SMAD5: variants seen among roughly 807,000 people sequenced by gnomAD.
SMAD5 encodes the protein SMAD family member 5.
In SMAD5, 9 loss-of-function variants were observed where a neutral mutation model predicts 43.1. That is an observed-to-expected ratio of 0.21 (90% CI 0.13 to 0.36). The LOEUF is 0.36. SMAD5 is among the 10% of genes least tolerant of loss of function. The pLI, the probability that SMAD5 is intolerant of heterozygous loss-of-function variation, is 1.00. For missense variants in SMAD5, 348 were observed against 574.0 expected (o/e 0.61, Z 4.02); for synonymous variants, 190 against 192.4 (o/e 0.99, Z 0.10).
At chr5:136,159,645 C>CT (rs35711851) in intron 3 of SMAD5, among the ~76,000 whole-genome samples, 49,728 of 152,008 alleles carry the variant, frequency 0.33, 8,520 homozygotes, top group African/African-American at 0.43. Flanking sequence ...TTCTTGCTGC[C>CT]TAATGCCCTT....
At position 136,165,503 on chromosome 5, in the gene SMAD5, C is replaced by T. The variant is rs142609186; in HGVS notation, c.775+2112C>T. ...ATGTTGTGTGACCATCACCACCATCCATTTCTATAGCTCTTTTCACCTTGT... is the reference window on the plus strand; with the variant it reads ...ATGTTGTGTGACCATCACCACCATCTATTTCTATAGCTCTTTTCACCTTGT... On this transcript the variant is annotated intron_variant, in intron 5 of 7. Coordinates refer to ENST00000545279, the MANE Select transcript of SMAD5 (RefSeq NM_005903.7). 4.3e-3 allele frequency among the ~76,000 whole-genome samples: 649 copies of T among 152,044 alleles called. 5 individuals carry two copies. Among genetic ancestry groups the T allele is most frequent in the African/African-American group, 0.015 (606 of 41,456 alleles).
chr5:136,137,257 T>C (rs7702439), intron 1 of SMAD5, among the ~76,000 whole-genome samples: 46,334 of 140,980 alleles, frequency 0.33, 8,941 homozygotes, highest in African/African-American at 0.5. Flanking sequence ...GTTTTGCTCT[T>C]GAATTTTTTG....
At chr5:136,145,157 A>G (rs1753218876) in intron 1 of SMAD5, among the ~76,000 whole-genome samples, 1 of 151,648 alleles carries the variant, frequency 6.6e-6, no homozygotes, top group Non-Finnish European at 1.5e-5. Flanking sequence ...ACTGTCTTAC[A>G]GTTAATAGCA....
At chr5:136,147,188 T>G (rs1465621449) in intron 1 of SMAD5, among the ~76,000 whole-genome samples, 2 of 151,676 alleles carry the variant, frequency 1.3e-5, no homozygotes, top group Non-Finnish European at 3.0e-5. Context: ...TAGAAAAGCT[T>G]TGGAGTAAGA....
At chr5:136,161,131 CAAA>C in intron 4 of SMAD5, 24 bp downstream of exon 4, 8 of 1,418,760 alleles carry the variant, frequency 5.6e-6, no homozygotes, top group Non-Finnish European at 6.7e-6. Flanking sequence ...TTATTGATAC[CAAA>C]AAAAAAAAAA....
At position 136,177,541 on chromosome 5, in the gene SMAD5, T is replaced by C; in HGVS notation, c.*61T>C. Reference sequence around the variant, plus strand: ...ACTTGTTTTAATTTTAGAGAAACTTTGAGTACAGATACTGTGAGCTTACAT... The same window carrying C: ...ACTTGTTTTAATTTTAGAGAAACTTCGAGTACAGATACTGTGAGCTTACAT... On this transcript the variant is annotated 3_prime_UTR_variant, in exon 8 of 8. Transcript: ENST00000545279. 7.8e-7 allele frequency: 1 copy of C among 1,276,062 alleles called. No individual in the cohort carries two copies. Among genetic ancestry groups the C allele is most frequent in the Non-Finnish European group, 1.1e-6 (1 of 909,386 alleles). The allele number at this position is 1,276,062 out of a possible 1,614,324, so 79.0% of individuals were successfully genotyped here.
intron 3 of SMAD5, among the ~76,000 whole-genome samples, chr5:136,157,540 T>C (rs1478514389): frequency 6.6e-6 from 1 of 152,208 alleles, no homozygotes; most frequent in Non-Finnish European, 1.5e-5. Flanking sequence ...CTTGTTTACC[T>C]GCAGCTAGGT....
chr5:136,148,631 T>C (rs934890174), intron 2 of SMAD5, among the ~76,000 whole-genome samples: 1 of 151,726 alleles, frequency 6.6e-6, no homozygotes, highest in African/African-American at 2.4e-5. Context: ...GTGCCCAGAG[T>C]AGCAGAGTCT....
Position 136,180,303 on chromosome 5 carries a change from T to A in SMAD5, c.*2823T>A, listed in dbSNP as rs1053598620. On this transcript the variant is annotated 3_prime_UTR_variant, in exon 8 of 8. Transcript: ENST00000545279. ...TGTTTTAATTTAATCTACAGAATGT[T>A]TTATAGTAAAATTCTAGCACCACTA... 6.6e-6 allele frequency: 1 copy of A among 152,110 alleles called. No homozygotes were observed. The highest frequency in any genetic ancestry group is 2.4e-5 in the African/African-American group (1 of 41,446). The allele number at this position is 152,110 out of a possible 1,614,324, so 9.4% of individuals were successfully genotyped here. A position where few individuals can be genotyped will look rare whatever the true frequency, so the allele number is the denominator to read the frequency against.
chr5:136,136,896 C>G (rs529786688), intron 1 of SMAD5, among the ~76,000 whole-genome samples: 30 of 152,268 alleles, frequency 2.0e-4, no homozygotes, highest in African/African-American at 6.5e-4. Context: ...GGAGTTTCAC[C>G]TCGTTGGCCA....
chr5:136,147,918 T>C lies in SMAD5; in HGVS notation c.-170+12T>C, dbSNP rs1561643640. 1 of 151,792 alleles carries C rather than the reference T, an allele frequency of 6.6e-6. No homozygotes were observed. Among genetic ancestry groups the C allele is most frequent in the Non-Finnish European group, 1.5e-5 (1 of 67,796 alleles). 9.4% of individuals were successfully genotyped at this position (151,792 alleles called of 1,614,324 possible). A position where few individuals can be genotyped will look rare whatever the true frequency, so the allele number is the denominator to read the frequency against. The stretch of plus-strand genomic sequence containing the variant: ...AGAAATCTGCCTCTGTAAGTAACCT[T>C]TTAAGATCATTCATGCCACTCTGTT... On this transcript the variant is annotated intron_variant, in intron 2 of 7. Coordinates refer to ENST00000545279, the MANE Select transcript of SMAD5 (RefSeq NM_005903.7).
chr5:136,157,822 G>A (rs932582160), intron 3 of SMAD5, among the ~76,000 whole-genome samples: 4 of 152,136 alleles, frequency 2.6e-5, no homozygotes, highest in African/African-American at 7.2e-5. Context: ...GCATGAACTG[G>A]GGGGGTTAGG....
intron 1 of SMAD5, among the ~76,000 whole-genome samples, chr5:136,144,982 A>G (rs1475272354): frequency 2.0e-5 from 3 of 151,956 alleles, no homozygotes; most frequent in Admixed American, 1.3e-4. Flanking sequence ...GAGAAAAGAA[A>G]AAAAAAAGAG....
At chr5:136,149,032 A>G (rs747178341) in intron 2 of SMAD5, among the ~76,000 whole-genome samples, 5 of 151,944 alleles carry the variant, frequency 3.3e-5, no homozygotes, top group African/African-American at 4.8e-5. Flanking sequence ...AGGCTGTCTC[A>G]TGACCCTTCT....
chr5:136,171,678 G>A (rs1379406058), intron 5 of SMAD5, among the ~76,000 whole-genome samples: 1 of 152,146 alleles, frequency 6.6e-6, no homozygotes, highest in East Asian at 1.9e-4. Context: ...AAGGAATTTT[G>A]CCTCAAGTCT....
At chr5:136,134,190 C>T (rs939621431) in intron 1 of SMAD5, 1 of 152,544 alleles carries the variant, frequency 6.6e-6, no homozygotes, top group Admixed American at 6.5e-5. Context: ...TTGCCTAGCA[C>T]TACCAAAAGG....
chr5:136,159,101 T>C (rs553199091), intron 3 of SMAD5, among the ~76,000 whole-genome samples: 2 of 152,286 alleles, frequency 1.3e-5, no homozygotes, highest in South Asian at 4.2e-4. Context: ...CAAGAAAAAG[T>C]AGACTCATAG....
At position 136,178,125 on chromosome 5, in the gene SMAD5, A is replaced by G. The variant is rs1184958469; in HGVS notation, c.*645A>G. ...CTTCAGTGTAATGTGACTTCATGCT[A>G]TATATCTTTTGTAAGACATTTCCTT... On this transcript the variant is annotated 3_prime_UTR_variant, in exon 8 of 8. Coordinates refer to ENST00000545279, the MANE Select transcript of SMAD5 (RefSeq NM_005903.7). 1 of 152,642 alleles carries G rather than the reference A, an allele frequency of 6.6e-6. No individual in the cohort carries two copies. The highest frequency in any genetic ancestry group is 2.4e-5 in the African/African-American group (1 of 41,452). The allele number at this position is 152,642 out of a possible 1,614,324, so 9.5% of individuals were successfully genotyped here. A position where few individuals can be genotyped will look rare whatever the true frequency, so the allele number is the denominator to read the frequency against.
At chr5:136,172,409 CT>C (rs747771324) in intron 5 of SMAD5, 24 bp from the exon 6 acceptor site, 1 of 1,398,460 alleles carries the variant, frequency 7.2e-7, no homozygotes, top group Non-Finnish European at 1.0e-6. Context: ...GTATTAAACT[CT>C]TTCTGTGTCT....
Sources: gnomAD v4.1 joint callset for allele counts (sites outside exome capture counted in the v4.1 genomes callset) on GRCh38, gnomAD v4.1.1 for gene constraint, MANE v1.5 for transcripts, NCBI Gene and HGNC (gene_info 2026-07-23, HGNC 2026-07-21) for gene names.